The following ACSL1 variants were observed in gnomAD, a reference collection of about 807,000 sequenced individuals.
ACSL1 encodes acyl-CoA synthetase long chain family member 1, also known as long-chain-fatty-acid--CoA ligase 1.
A neutral mutation model predicts 98.4 loss-of-function variants in ACSL1; 41 were observed. That is an observed-to-expected ratio of 0.42 (90% CI 0.32 to 0.54). The LOEUF (loss-of-function observed/expected upper bound fraction) is 0.54, where lower values mean the gene tolerates loss of function less well. Ranked by LOEUF, ACSL1 falls within the 20% of genes least tolerant of loss-of-function variation. The probability of loss-of-function intolerance (pLI) is 0.13; values close to 1 mark genes in which losing one functional copy is unlikely to be tolerated. For synonymous variants in ACSL1, 316 were observed against 322.7 expected (o/e 0.98, Z 0.22); for missense variants, 734 against 883.1 (o/e 0.83, Z 2.14).
intron 1 of ACSL1, among the ~76,000 whole-genome samples, chr4:184,815,370 A>T (rs1772535111): frequency 6.6e-6 from 1 of 152,132 alleles, no homozygotes; most frequent in Admixed American, 6.6e-5. Flanking sequence ...TCTCTCTCCC[A>T]TGACAGCATT....
In ACSL1 at chr4:184,803,135, T is replaced by C. The variant is rs765792406; in HGVS notation, c.195+185A>G. Reference sequence around the variant, plus strand: ...GACACCCAACCGACACCCTCTCATCTGTCCCTGTGCCTATATTTTGCCCTG... The same window carrying C: ...GACACCCAACCGACACCCTCTCATCCGTCCCTGTGCCTATATTTTGCCCTG... On this transcript the variant is annotated intron_variant, in intron 2 of 20. Coordinates refer to ENST00000281455, the MANE Select transcript of ACSL1 (RefSeq NM_001995.5). This position sits in a 1 kb window ranked among gnomAD's most constrained non-coding sequence, Gnocchi z 4.8. 6.6e-6 allele frequency among the ~76,000 whole-genome samples: 1 copy of C among 152,246 alleles called. No homozygotes were observed. The highest frequency in any genetic ancestry group is 2.4e-5 in the African/African-American group (1 of 41,458).
rs145248794 is a variant in ACSL1 at position 184,803,383 on chromosome 4, G to A, written c.132C>T (p.Tyr44=). 810 of 1,613,596 alleles carry A rather than the reference G, an allele frequency of 5.0e-4. 1 individual carries two copies. Among genetic ancestry groups the A allele is most frequent in the Non-Finnish European group, 6.3e-4 (749 of 1,179,776 alleles). The change falls in exon 2 of 21, where the codon TAC becomes TAT. Residue 44 remains tyrosine (Y), a synonymous_variant. Coordinates refer to ENST00000281455, the MANE Select transcript of ACSL1 (RefSeq NM_001995.5). The surrounding 1 kb of genome is among the most constrained non-coding windows in gnomAD (Gnocchi z 4.8). ...GCTTCAGGGGTTTGGGTCTCGTGGC[G>A]TACCAGAAGGTGGTGAGTGCTGCAA... The part of the protein sequence containing the change: ...GAFAALTTFW[Y]ATRPKPLKPP...
chr4:184,788,297 C>A, intron 3 of ACSL1: 2 of 407,090 alleles, frequency 4.9e-6, no homozygotes, highest in Non-Finnish European at 9.5e-6. Flanking sequence ...ATGAAAAATG[C>A]CGGATTGGGC....
chr4:184,758,705 A>C (rs1762448564), intron 18 of ACSL1: 1 of 152,246 alleles, frequency 6.6e-6, no homozygotes, highest in Non-Finnish European at 1.5e-5. Context: ...TCAAAGAAAA[A>C]TAAGTGCATT....
Position 184,757,761 on chromosome 4 carries a change from A to G in ACSL1, c.1885-55T>C. 6.2e-7 allele frequency: 1 copy of G among 1,608,180 alleles called. No individual in the cohort carries two copies. The highest frequency in any genetic ancestry group is 8.5e-7 in the Non-Finnish European group (1 of 1,174,720). Reference sequence around the variant, plus strand: ...CTCTGTTAGAGGTCCCTGAATATCTACAGGTACATTTAATGCCAAGTTATG... The same window carrying G: ...CTCTGTTAGAGGTCCCTGAATATCTGCAGGTACATTTAATGCCAAGTTATG... On this transcript the variant is annotated intron_variant, in intron 19 of 20. Transcript: ENST00000281455. This position sits in a 1 kb window ranked among gnomAD's most constrained non-coding sequence, Gnocchi z 4.5.
chr4:184,776,896 T>C lies in ACSL1; in HGVS notation c.565A>G (p.Ile189Val), dbSNP rs771472673. ...DTLGNEAITY[I>V]VNKAELSLVF... is the part of the protein sequence containing the mutation. ...ATCACAGACGTACCTTTGTTGACTATGTACGTGATGGCTTCATTTCCAAGG... is the reference window on the plus strand; with the variant it reads ...ATCACAGACGTACCTTTGTTGACTACGTACGTGATGGCTTCATTTCCAAGG... Residue 189 changes from isoleucine to valine, a missense_variant, in exon 6 of 21, where the codon ATA becomes GTA. Ile to Val is a conservative substitution (Grantham distance 29, BLOSUM62 3). Transcript: ENST00000281455. 2 of 1,613,922 alleles carry C rather than the reference T, an allele frequency of 1.2e-6. No individual in the cohort carries two copies. Among genetic ancestry groups the C allele is most frequent in the African/African-American group, 1.3e-5 (1 of 74,944 alleles).
chr4:184,759,392 G>C (rs536946902), intron 18 of ACSL1, among the ~76,000 whole-genome samples: 1 of 152,190 alleles, frequency 6.6e-6, no homozygotes, highest in Admixed American at 6.5e-5. Flanking sequence ...CCATCAGAGC[G>C]AACAGGCAAC....
At chr4:184,812,828 T>C (rs964345051) in intron 1 of ACSL1, among the ~76,000 whole-genome samples, 1 of 152,164 alleles carries the variant, frequency 6.6e-6, no homozygotes, top group Non-Finnish European at 1.5e-5. Flanking sequence ...ATACCAGGGC[T>C]GGACTCCAAC....
chr4:184,774,459 C>G (rs1764984789), intron 7 of ACSL1, among the ~76,000 whole-genome samples: 1 of 152,154 alleles, frequency 6.6e-6, no homozygotes, highest in African/African-American at 2.4e-5. Context: ...AATTATAAAA[C>G]AGGCCACAGC....
intron 1 of ACSL1, chr4:184,821,017 G>A (rs1037135288): frequency 8.8e-6 from 4 of 456,138 alleles, no homozygotes; most frequent in Admixed American, 2.3e-5. Context: ...CTTAATCTTT[G>A]CACCTGTTCC....
intron 1 of ACSL1, among the ~76,000 whole-genome samples, chr4:184,813,022 T>C (rs551091560): frequency 6.6e-6 from 1 of 152,192 alleles, no homozygotes; most frequent in Admixed American, 6.6e-5. Flanking sequence ...CCCAACATTC[T>C]CCAGAGCAAA....
chr4:184,760,403 C>A lies in ACSL1; in HGVS notation c.1736G>T (p.Arg579Leu). ...AAACACCTGAGCAACAGGCTCACTT[C>A]GCATGTAGATATTTTCAATCTTTTC... ...APEKIENIYMRSEPVAQVFVH... is the reference protein window; with the variant it reads ...APEKIENIYMLSEPVAQVFVH... The change falls in exon 18 of 21, where the codon CGA becomes CTA. Residue 579 changes from arginine (R) to leucine (L), a missense_variant. Arg to Leu is a moderately radical substitution (Grantham distance 102). Transcript: ENST00000281455. 1.2e-6 allele frequency: 2 copies of A among 1,614,150 alleles called. No individual in the cohort carries two copies. Among genetic ancestry groups the A allele is most frequent in the South Asian group, 1.1e-5 (1 of 91,072 alleles).
chr4:184,768,557 G>A, intron 11 of ACSL1, 107 bp from the exon 12 acceptor site: 1 of 1,470,380 alleles, frequency 6.8e-7, no homozygotes. Context: ...CCAGTTTCCA[G>A]AAATCTTAAA....
At chr4:184,770,644 C>T (rs964886658) in intron 10 of ACSL1, among the ~76,000 whole-genome samples, 168 bp from the exon 11 acceptor site, 1 of 151,828 alleles carries the variant, frequency 6.6e-6, no homozygotes, top group African/African-American at 2.4e-5. Context: ...CAGCATGGCA[C>T]ATGTACACAT....
chr4:184,770,243 C>T (rs559967781), intron 11 of ACSL1, 156 bp downstream of exon 11: 22 of 1,539,088 alleles, frequency 1.4e-5, no homozygotes, highest in African/African-American at 2.7e-5. Context: ...ACAGTCCGCA[C>T]GCCACACTTA....
intron 15 of ACSL1, among the ~76,000 whole-genome samples, chr4:184,764,183 G>T (rs1763245834): frequency 6.6e-6 from 1 of 152,206 alleles, no homozygotes; most frequent in African/African-American, 2.4e-5. Context: ...TTGAAATCCT[G>T]GCTCCAAAGC....
intron 12 of ACSL1, among the ~76,000 whole-genome samples, chr4:184,767,279 GTC>G (rs1203545727): frequency 5.1e-5 from 6 of 117,528 alleles, no homozygotes; most frequent in Admixed American, 2.9e-4. Context: ...GAGAGACCCT[GTC>G]TCAAAAAAAA....
Position 184,810,170 on chromosome 4 carries a change from C to G in ACSL1, c.-32-6624G>C, listed in dbSNP as rs1175238670. Reference sequence around the variant, plus strand: ...TTTTTACAGTAACAACCAACATTTGCCTTTGTAAGCTGAAACCCTAAGAAA... The same window carrying G: ...TTTTTACAGTAACAACCAACATTTGGCTTTGTAAGCTGAAACCCTAAGAAA... On this transcript the variant is annotated intron_variant, in intron 1 of 20. Transcript: ENST00000281455. Among the ~76,000 whole-genome samples the G allele has an allele frequency of 2.0e-5, 3 of 152,184 alleles. No individual in the cohort carries two copies. The East Asian group carries it at 5.8e-4, about 29-fold the overall frequency.
At chr4:184,793,664 G>T (rs1768813744) in intron 2 of ACSL1, among the ~76,000 whole-genome samples, 1 of 152,208 alleles carries the variant, frequency 6.6e-6, no homozygotes, top group African/African-American at 2.4e-5. Context: ...TGAGAAGGGA[G>T]AGTGAGAGAG....
Sources: allele counts gnomAD v4.1 joint callset (sites outside exome capture counted in the v4.1 genomes callset), GRCh38; gene constraint gnomAD v4.1.1; non-coding constraint Gnocchi (gnomAD v3.1); transcripts MANE v1.5; gene names NCBI Gene and HGNC (gene_info 2026-07-23, HGNC 2026-07-21).